Variants in NKG7 observed in about 807,000 individuals in gnomAD.
NKG7 encodes protein NKG7.
In NKG7, 8 loss-of-function variants were observed where a neutral mutation model predicts 14.7. That is an observed-to-expected ratio of 0.54 (90% confidence interval 0.32 to 0.98). The LOEUF (loss-of-function observed/expected upper bound fraction) is 0.98. NKG7 is among the 50% of genes least tolerant of loss of function. NKG7 has a pLI of 0.04. For synonymous variants in NKG7, 95 were observed against 90.7 expected, an observed-to-expected ratio of 1.05 and a Z score of -0.27; for missense variants, 215 against 211.1, an observed-to-expected ratio of 1.02 and a Z score of -0.11.
In NKG7 at chr19:51,372,032, C is replaced by T. The variant is rs34665160; in HGVS notation, c.347G>A (p.Arg116Gln). 2.1e-3 allele frequency: 3,401 copies of T among 1,613,556 alleles called. 49 individuals carry two copies. The African/African-American group carries it at 0.04, about 19-fold the overall frequency. Reference protein sequence around the residue: ...VVAMAVYTSERWDQPPHPQIQ... With the variant: ...VVAMAVYTSEQWDQPPHPQIQ... ...CTGGGGGTGTGGAGGCTGGTCCCAC[C>T]GCTCGCTGGTGTACACCGCCATGGC... The change falls in exon 3 of 4, where the codon CGG (arginine) becomes CAG (glutamine). Residue 116 changes from arginine to glutamine, a missense_variant. Transcript: ENST00000221978. The surrounding 1 kb of genome is among the most constrained non-coding windows in gnomAD (Gnocchi z 4.8).
Position 51,372,189 on chromosome 19 carries a change from A to G in NKG7, c.276T>C (p.Leu92=), listed in dbSNP as rs1409681906. 4 of 1,611,260 alleles carry G rather than the reference A, an allele frequency of 2.5e-6. No homozygotes were observed. Among genetic ancestry groups the G allele is most frequent in the Non-Finnish European group, 3.4e-6 (4 of 1,178,508 alleles). The stretch of plus-strand genomic sequence containing the variant: ...CAGCAAAGGCTGCGGTGGTTGAGAC[A>G]AGCGGGCCGTGGCCTGGGGGGAACA... ...PSLFPPGHGP[L]VSTTAAFAAA... is the part of the protein sequence containing the mutation. Residue 92 remains leucine, a synonymous_variant, in exon 2 of 4, where the codon CTT becomes CTC. Coordinates refer to ENST00000221978, the MANE Select transcript of NKG7 (RefSeq NM_005601.4). This position sits in a 1 kb window ranked among gnomAD's most constrained non-coding sequence, Gnocchi z 4.8.
At position 51,372,368 on chromosome 19, in the gene NKG7, A is replaced by G. The variant is rs1376465182; in HGVS notation, c.157+11T>C. 6.2e-7 allele frequency: 1 copy of G among 1,614,044 alleles called. No individual in the cohort carries two copies. The highest frequency in any genetic ancestry group is 8.5e-7 in the Non-Finnish European group (1 of 1,179,942). ...CTGGCAACCCCTCTGTAGGACACCC[A>G]TTCCCCTTACCTGATATGATGTCCC... is the stretch of plus-strand genomic sequence containing the variant. On this transcript the variant is annotated intron_variant, in intron 1 of 3. Transcript: ENST00000221978. The surrounding 1 kb of genome is among the most constrained non-coding windows in gnomAD (Gnocchi z 4.8).
At position 51,371,703 on chromosome 19, in the gene NKG7, G is replaced by T; in HGVS notation, c.*74C>A. On this transcript the variant is annotated 3_prime_UTR_variant, in exon 4 of 4. Transcript: ENST00000221978. The surrounding 1 kb of genome is among the most constrained non-coding windows in gnomAD (Gnocchi z 4.2). ...GGAAGGGCGGGCAGATGTGGGACCA[G>T]ACTTTCCCGAGGCTCCAGATGAGGC... 1.3e-6 allele frequency: 2 copies of T among 1,500,380 alleles called. No individual in the cohort carries two copies. Among genetic ancestry groups the T allele is most frequent in the Non-Finnish European group, 1.8e-6 (2 of 1,106,974 alleles). 92.9% of individuals were successfully genotyped at this position (1,500,380 alleles called of 1,614,324 possible). A position where few individuals can be genotyped will look rare whatever the true frequency, so the allele number is the denominator to read the frequency against.
chr19:51,371,814 T>C lies in NKG7; in HGVS notation c.461A>G (p.His154Arg). 2 of 1,613,250 alleles carry C rather than the reference T, an allele frequency of 1.2e-6. No homozygotes were observed. Among genetic ancestry groups the C allele is most frequent in the South Asian group, 1.1e-5 (1 of 90,960 alleles). ...LCTGALSLGA[H>R]CGGPRPGYET... ...ATAGCCAGGACGGGGACCGCCACAG[T>C]GAGCACCCAGGCTCAGGGCACCTGG... The change falls in exon 4 of 4, where the codon CAC becomes CGC. Residue 154 changes from histidine (H) to arginine (R), a missense_variant. Coordinates refer to ENST00000221978, the MANE Select transcript of NKG7 (RefSeq NM_005601.4). This position sits in a 1 kb window ranked among gnomAD's most constrained non-coding sequence, Gnocchi z 4.2.
chr19:51,371,914 C>T lies in NKG7; in HGVS notation c.439+26G>A. 1 of 1,605,226 alleles carries T rather than the reference C, an allele frequency of 6.2e-7. No homozygotes were observed. Among genetic ancestry groups the T allele is most frequent in the Non-Finnish European group, 8.5e-7 (1 of 1,174,282 alleles). On this transcript the variant is annotated intron_variant, in intron 3 of 3. Coordinates refer to ENST00000221978, the MANE Select transcript of NKG7 (RefSeq NM_005601.4). The surrounding 1 kb of genome is among the most constrained non-coding windows in gnomAD (Gnocchi z 4.2). ...CCCCAACTGGACCCTCCCAAAGCTC[C>T]CCAGGGCAGTGGGCAGGATAGTCAC...
Position 51,372,248 on chromosome 19 carries a change from C to T in NKG7, c.217G>A (p.Val73Met), listed in dbSNP as rs151190254. The T allele has an allele frequency of 2.4e-4, 385 of 1,613,604 alleles. No individual in the cohort carries two copies. The highest frequency in any genetic ancestry group is 9.9e-4 in the Middle Eastern group (6 of 6,080). ...AAGCAGGACAGGACCAGGAAGCTCA[C>T]GGACACCAGGGCCCACAGAACAGCC... ...IMAVLWALVS[V>M]SFLVLSCFPS... The change falls in exon 2 of 4, where the codon GTG (valine) becomes ATG (methionine). Residue 73 changes from valine (V) to methionine (M), a missense_variant. Val to Met is a conservative substitution (Grantham distance 21, BLOSUM62 1). Transcript: ENST00000221978. The surrounding 1 kb of genome is among the most constrained non-coding windows in gnomAD (Gnocchi z 4.8).
In NKG7 at chr19:51,371,754, A is replaced by G; in HGVS notation, c.*23T>C. 1 of 1,605,164 alleles carries G rather than the reference A, an allele frequency of 6.2e-7. No individual in the cohort carries two copies. Among genetic ancestry groups the G allele is most frequent in the Non-Finnish European group, 8.5e-7 (1 of 1,174,224 alleles). ...CTTTGGAATACAACGCTCAAAACTC[A>G]TCTTGCCGCTCTTGCCTTCTGCTCA... On this transcript the variant is annotated 3_prime_UTR_variant, in exon 4 of 4. Transcript: ENST00000221978. The surrounding 1 kb of genome is among the most constrained non-coding windows in gnomAD (Gnocchi z 4.2).
chr19:51,372,314 G>C lies in NKG7; in HGVS notation c.158-7C>G. ...TGCGTCACGTGGATGTAGCCTGATC[G>C]GGAGAAGACCACTGAGCACCCATCC... On this transcript the variant is annotated splice_region_variant and splice_polypyrimidine_tract_variant and intron_variant, in intron 1 of 3. Transcript: ENST00000221978. This position sits in a 1 kb window ranked among gnomAD's most constrained non-coding sequence, Gnocchi z 4.8. 1 of 1,611,856 alleles carries C rather than the reference G, an allele frequency of 6.2e-7. No homozygotes were observed. The highest frequency in any genetic ancestry group is 8.5e-7 in the Non-Finnish European group (1 of 1,178,648).
chr19:51,372,019 A>G lies in NKG7; in HGVS notation c.360T>C (p.Pro120=), dbSNP rs765777320. ...AVYTSERWDQ[P]PHPQIQTFFS... ...AGAAGGTCTGGATCTGGGGGTGTGG[A>G]GGCTGGTCCCACCGCTCGCTGGTGT... The change falls in exon 3 of 4, where the codon CCT becomes CCC. Residue 120 remains proline (P), a synonymous_variant. Transcript: ENST00000221978. The surrounding 1 kb of genome is among the most constrained non-coding windows in gnomAD (Gnocchi z 4.8). 1.2e-6 allele frequency: 2 copies of G among 1,613,786 alleles called. No homozygotes were observed. The highest frequency in any genetic ancestry group is 1.3e-5 in the African/African-American group (1 of 75,060).
At position 51,372,197 on chromosome 19, in the gene NKG7, C is replaced by T. The variant is rs568914712; in HGVS notation, c.268G>A (p.Gly90Ser). 1.1e-5 allele frequency: 18 copies of T among 1,612,386 alleles called. No homozygotes were observed. The highest frequency in any genetic ancestry group is 3.3e-5 in the South Asian group (3 of 90,796). The change falls in exon 2 of 4, where the codon GGC (glycine) becomes AGC (serine). Residue 90 changes from glycine (G) to serine (S), a missense_variant. Physicochemically the swap from Gly to Ser is moderately conservative, Grantham distance 56. Coordinates refer to ENST00000221978, the MANE Select transcript of NKG7 (RefSeq NM_005601.4). This position sits in a 1 kb window ranked among gnomAD's most constrained non-coding sequence, Gnocchi z 4.8. Reference protein sequence around the residue: ...CFPSLFPPGHGPLVSTTAAFA... With the variant: ...CFPSLFPPGHSPLVSTTAAFA... ...GCTGCGGTGGTTGAGACAAGCGGGC[C>T]GTGGCCTGGGGGGAACAGTGAGGGG...
Position 51,372,088 on chromosome 19 carries a change from C to A in NKG7, c.305-14G>T. On this transcript the variant is annotated splice_polypyrimidine_tract_variant and intron_variant, in intron 2 of 3. Coordinates refer to ENST00000221978, the MANE Select transcript of NKG7 (RefSeq NM_005601.4). The surrounding 1 kb of genome is among the most constrained non-coding windows in gnomAD (Gnocchi z 4.8). ...CCATGGAGATGGCTGGGGACAAGGA[C>A]AAGAGAGATGGCTCAGCTCCTCGGC... The A allele has an allele frequency of 1.2e-6, 2 of 1,603,804 alleles. No homozygotes were observed. The highest frequency in any genetic ancestry group is 1.7e-5 in the Admixed American group (1 of 59,306).
rs377561287 is a variant in NKG7, at chr19:51,372,049, C to T, written c.330G>A (p.Ala110=). The T allele has an allele frequency of 2.8e-5, 45 of 1,612,548 alleles. No individual in the cohort carries two copies. The highest frequency in any genetic ancestry group is 1.6e-4 in the Middle Eastern group (1 of 6,078). Residue 110 remains alanine (A), a synonymous_variant, in exon 3 of 4, where the codon GCG becomes GCA. Coordinates refer to ENST00000221978, the MANE Select transcript of NKG7 (RefSeq NM_005601.4). The surrounding 1 kb of genome is among the most constrained non-coding windows in gnomAD (Gnocchi z 4.8). ...AAAISMVVAM[A]VYTSERWDQP... The stretch of plus-strand genomic sequence containing the variant: ...GGTCCCACCGCTCGCTGGTGTACAC[C>T]GCCATGGCCACCACCATGGAGATGG...
rs770677380 is a variant in NKG7, at chr19:51,372,083, A to G, written c.305-9T>C. 1.9e-6 allele frequency: 3 copies of G among 1,607,830 alleles called. No homozygotes were observed. The highest frequency in any genetic ancestry group is 2.6e-6 in the Non-Finnish European group (3 of 1,176,466). On this transcript the variant is annotated splice_polypyrimidine_tract_variant and intron_variant, in intron 2 of 3. Transcript: ENST00000221978. This position sits in a 1 kb window ranked among gnomAD's most constrained non-coding sequence, Gnocchi z 4.8. ...CACCACCATGGAGATGGCTGGGGAC[A>G]AGGACAAGAGAGATGGCTCAGCTCC...
In NKG7 at chr19:51,372,636, T is replaced by A; in HGVS notation, c.-101A>T. The A allele has an allele frequency of 7.2e-7, 1 of 1,381,468 alleles. No individual in the cohort carries two copies. Among genetic ancestry groups the A allele is most frequent in the Non-Finnish European group, 9.7e-7 (1 of 1,031,888 alleles). The allele number at this position is 1,381,468 out of a possible 1,614,324, so 85.6% of individuals were successfully genotyped here. On this transcript the variant is annotated 5_prime_UTR_variant, in exon 1 of 4. Transcript: ENST00000221978. The surrounding 1 kb of genome is among the most constrained non-coding windows in gnomAD (Gnocchi z 4.8). ...GAGGCTGTGCACCCAGACTCCTGGG[T>A]CCTTAGAGCCCAAGAAAGAGAGAAC...
rs1352090653 is a variant in NKG7, at chr19:51,372,020, G to A, written c.359C>T (p.Pro120Leu). The A allele has an allele frequency of 1.9e-6, 3 of 1,613,782 alleles. No homozygotes were observed. Among genetic ancestry groups the A allele is most frequent in the Non-Finnish European group, 2.5e-6 (3 of 1,179,962 alleles). ...GAAGGTCTGGATCTGGGGGTGTGGAGGCTGGTCCCACCGCTCGCTGGTGTA... is the reference window on the plus strand; with the variant it reads ...GAAGGTCTGGATCTGGGGGTGTGGAAGCTGGTCCCACCGCTCGCTGGTGTA... ...AVYTSERWDQ[P>L]PHPQIQTFFS... The change falls in exon 3 of 4, where the codon CCT becomes CTT. Residue 120 changes from proline to leucine, a missense_variant. Pro to Leu is a moderately conservative substitution (Grantham distance 98). Transcript: ENST00000221978. The surrounding 1 kb of genome is among the most constrained non-coding windows in gnomAD (Gnocchi z 4.8).
Position 51,372,393 on chromosome 19 carries a change from C to T in NKG7, c.143G>A (p.Gly48Glu), listed in dbSNP as rs1986692587. ...ATTCCCCTTACCTGATATGATGTCC[C>T]CATGCCCTGTTGGCCAGAGGCCCGA... ...AHSGLWPTGH[G>E]DIISGYIHVT... The change falls in exon 1 of 4, where the codon GGG (glycine) becomes GAG (glutamate). Residue 48 changes from glycine to glutamate, a missense_variant. Transcript: ENST00000221978. This position sits in a 1 kb window ranked among gnomAD's most constrained non-coding sequence, Gnocchi z 4.8. 6.2e-7 allele frequency: 1 copy of T among 1,614,196 alleles called. No homozygotes were observed. The highest frequency in any genetic ancestry group is 8.5e-7 in the Non-Finnish European group (1 of 1,180,032).
At position 51,372,006 on chromosome 19, in the gene NKG7, T is replaced by A. The variant is rs773021514; in HGVS notation, c.373A>T (p.Ile125Phe). ...AAGGACCAGGAGAAGAAGGTCTGGA[T>A]CTGGGGGTGTGGAGGCTGGTCCCAC... ...ERWDQPPHPQ[I>F]QTFFSWSFYL... Residue 125 changes from isoleucine (I) to phenylalanine (F), a missense_variant, in exon 3 of 4, where the codon ATC (isoleucine) becomes TTC (phenylalanine). Coordinates refer to ENST00000221978, the MANE Select transcript of NKG7 (RefSeq NM_005601.4). The surrounding 1 kb of genome is among the most constrained non-coding windows in gnomAD (Gnocchi z 4.8). 3 of 1,613,670 alleles carry A rather than the reference T, an allele frequency of 1.9e-6. No individual in the cohort carries two copies. The South Asian group carries it at 3.3e-5, about 18-fold the overall frequency.
In NKG7 at chr19:51,371,689, C is replaced by G; in HGVS notation, c.*88G>C. The stretch of plus-strand genomic sequence containing the variant: ...GCTGGGGAAGGGCTGGAAGGGCGGG[C>G]AGATGTGGGACCAGACTTTCCCGAG... On this transcript the variant is annotated 3_prime_UTR_variant, in exon 4 of 4. Coordinates refer to ENST00000221978, the MANE Select transcript of NKG7 (RefSeq NM_005601.4). This position sits in a 1 kb window ranked among gnomAD's most constrained non-coding sequence, Gnocchi z 4.2. The G allele has an allele frequency of 7.2e-7, 1 of 1,390,836 alleles. No homozygotes were observed. Among genetic ancestry groups the G allele is most frequent in the Non-Finnish European group, 9.8e-7 (1 of 1,025,002 alleles). 86.2% of individuals were successfully genotyped at this position (1,390,836 alleles called of 1,614,324 possible). A position where few individuals can be genotyped will look rare whatever the true frequency, so the allele number is the denominator to read the frequency against.
In NKG7 at chr19:51,372,006, T is replaced by C. The variant is rs773021514; in HGVS notation, c.373A>G (p.Ile125Val). Residue 125 changes from isoleucine (I) to valine (V), a missense_variant, in exon 3 of 4, where the codon ATC (isoleucine) becomes GTC (valine). By Grantham distance (29) the Ile-to-Val change is conservative. Coordinates refer to ENST00000221978, the MANE Select transcript of NKG7 (RefSeq NM_005601.4). The surrounding 1 kb of genome is among the most constrained non-coding windows in gnomAD (Gnocchi z 4.8). ...ERWDQPPHPQ[I>V]QTFFSWSFYL... ...AAGGACCAGGAGAAGAAGGTCTGGA[T>C]CTGGGGGTGTGGAGGCTGGTCCCAC... is the stretch of plus-strand genomic sequence containing the variant. 9 of 1,613,670 alleles carry C rather than the reference T, an allele frequency of 5.6e-6. No individual in the cohort carries two copies. The highest frequency in any genetic ancestry group is 1.1e-5 in the South Asian group (1 of 91,014).
Sources: allele counts gnomAD v4.1 joint callset, GRCh38; gene constraint gnomAD v4.1.1; non-coding constraint Gnocchi (gnomAD v3.1); transcripts MANE v1.5; gene names NCBI Gene and HGNC (gene_info 2026-07-23, HGNC 2026-07-21).